Variants in PACS2 observed in about 807,000 individuals in gnomAD.
PACS2 encodes PACS1-like protein.
PACS2 carries 36 observed loss-of-function variants against 113.0 expected under a neutral mutation model. The ratio of observed to expected loss-of-function variants is 0.32; its 90% CI spans 0.24 to 0.42. The LOEUF is 0.42. PACS2 is among the 10% of genes least tolerant of loss of function. The pLI, the probability that PACS2 is intolerant of heterozygous loss-of-function variation, is 1.00. For missense variants in PACS2, 1,015 were observed against 1,239.5 expected (o/e 0.82, Z 2.72); for synonymous variants, 589 against 536.1 (o/e 1.10, Z -1.36).
intron 23 of PACS2, 41 bp downstream of exon 23, chr14:105,392,886 G>A (rs1216246542): frequency 6.7e-7 from 1 of 1,486,402 alleles, no homozygotes; most frequent in Non-Finnish European, 9.3e-7. Context: ...GCGCAGAAGG[G>A]CGGCTCTGTG....
At chr14:105,362,571 C>T (rs1265847685) in intron 4 of PACS2, among the ~76,000 whole-genome samples, 3 of 152,036 alleles carry the variant, frequency 2.0e-5, no homozygotes, top group Non-Finnish European at 4.4e-5. Flanking sequence ...AGACTTGAGG[C>T]CAGGCGCAGT....
intron 4 of PACS2, among the ~76,000 whole-genome samples, chr14:105,362,135 T>C (rs2060711690): frequency 6.9e-6 from 1 of 145,326 alleles, no homozygotes; most frequent in Non-Finnish European, 1.5e-5. Flanking sequence ...AAAAAAAGAA[T>C]GGGCCAGGTG....
At chr14:105,308,526 G>A (rs191039442) in intron 1 of PACS2, among the ~76,000 whole-genome samples, 1,955 of 143,310 alleles carry the variant, frequency 0.014, 51 homozygotes, top group African/African-American at 0.05. Flanking sequence ...TCTGTCGTCC[G>A]GGCTGGAGTG....
At chr14:105,318,853 G>A (rs186261674) in intron 1 of PACS2, among the ~76,000 whole-genome samples, 1 of 151,222 alleles carries the variant, frequency 6.6e-6, no homozygotes, top group South Asian at 2.1e-4. Context: ...GTAGAGATGG[G>A]GTTTCACCGT....
At chr14:105,303,839 A>G (rs1480169781) in intron 1 of PACS2, among the ~76,000 whole-genome samples, 1 of 152,236 alleles carries the variant, frequency 6.6e-6, no homozygotes, top group Non-Finnish European at 1.5e-5. Flanking sequence ...ATGACATTTC[A>G]TCCTTATGGC....
At chr14:105,374,023 C>T (rs910166795) in intron 8 of PACS2, among the ~76,000 whole-genome samples, 7 of 151,916 alleles carry the variant, frequency 4.6e-5, no homozygotes, top group Middle Eastern at 3.4e-3. Context: ...GGCATCGTGG[C>T]GGGTGCCTGT....
rs1008013722 is a variant in PACS2 at position 105,317,044 on chromosome 14, G to A, written c.119+2007G>A. On this transcript the variant is annotated intron_variant, in intron 1 of 24. Transcript: ENST00000447393. This position sits in a 1 kb window ranked among gnomAD's most constrained non-coding sequence, Gnocchi z 4.2. ...CCTAGCTTTGCTTTGTGCTTGTGCC[G>A]CCTGTCCGTGCATCCTCGGACAGTC... 3.3e-5 allele frequency among the ~76,000 whole-genome samples: 5 copies of A among 152,126 alleles called. No individual in the cohort carries two copies. Among genetic ancestry groups the A allele is most frequent in the Non-Finnish European group, 5.9e-5 (4 of 68,018 alleles).
intron 2 of PACS2, among the ~76,000 whole-genome samples, chr14:105,350,226 G>GGCA (rs141920534): frequency 1.4e-4 from 22 of 152,262 alleles, no homozygotes; most frequent in East Asian, 5.8e-4. Context: ...GGCTGTGTCT[G>GGCA]GACCTCTTGG....
At position 105,379,915 on chromosome 14, in the gene PACS2, C is replaced by T. The variant is rs1393445848; in HGVS notation, c.1050+86C>T. ...CCCAAATCTCCCAGCATGTCCTGGG[C>T]CCAGGGCCCTGTCCAGCTGTCCTGG... On this transcript the variant is annotated intron_variant, in intron 10 of 24. Transcript: ENST00000447393. 7.0e-6 allele frequency: 10 copies of T among 1,421,628 alleles called. No homozygotes were observed. The Admixed American group carries it at 1.7e-4, about 25-fold the overall frequency. 88.1% of individuals were successfully genotyped at this position (1,421,628 alleles called of 1,614,324 possible).
At chr14:105,342,374 C>A (rs1268718087) in intron 1 of PACS2, among the ~76,000 whole-genome samples, 1 of 151,894 alleles carries the variant, frequency 6.6e-6, no homozygotes, top group African/African-American at 2.4e-5. Context: ...CTCAGGTGAT[C>A]CTCCCACCTC....
intron 15 of PACS2, chr14:105,383,154 C>T: frequency 1.5e-6 from 1 of 657,736 alleles, no homozygotes; most frequent in Non-Finnish European, 2.7e-6. Context: ...CCTTGGAAGC[C>T]TGGGCTGAGG....
chr14:105,392,594 G>T, intron 22 of PACS2, 25 bp from the exon 23 acceptor site: 1 of 1,567,938 alleles, frequency 6.4e-7, no homozygotes, highest in African/African-American at 1.4e-5. Flanking sequence ...ATGCAGGTGT[G>T]AATGCCTCCC....
chr14:105,338,424 CA>C (rs1448147027), intron 1 of PACS2, among the ~76,000 whole-genome samples: 3 of 152,142 alleles, frequency 2.0e-5, no homozygotes, highest in Non-Finnish European at 4.4e-5. Flanking sequence ...GGGGCATTCC[CA>C]GGGGGTGTTT....
At chr14:105,328,673 C>T (rs1300310442) in intron 1 of PACS2, among the ~76,000 whole-genome samples, 1 of 152,222 alleles carries the variant, frequency 6.6e-6, no homozygotes, top group Non-Finnish European at 1.5e-5. Flanking sequence ...TGGACTCCCA[C>T]ACTCAGCACC....
chr14:105,377,002 C>G (rs1049539821), intron 9 of PACS2, 77 bp downstream of exon 9: 2 of 1,435,544 alleles, frequency 1.4e-6, no homozygotes, highest in Non-Finnish European at 1.9e-6. Flanking sequence ...TCTGGCAGAC[C>G]CATGTCCAGC....
intron 16 of PACS2, 47 bp from the exon 17 acceptor site, chr14:105,384,306 A>G (rs1555412940): frequency 2.6e-6 from 3 of 1,145,136 alleles, no homozygotes; most frequent in African/African-American, 1.5e-5. Flanking sequence ...GGAGCCTTGC[A>G]GCTCCGAGTC....
At chr14:105,305,324 C>T (rs1011128611) in intron 1 of PACS2, among the ~76,000 whole-genome samples, 1 of 152,136 alleles carries the variant, frequency 6.6e-6, no homozygotes, top group African/African-American at 2.4e-5. Context: ...ATTGCTTGAG[C>T]CCAGAAAGTT....
intron 1 of PACS2, among the ~76,000 whole-genome samples, chr14:105,343,394 T>C (rs999471247): frequency 6.6e-6 from 1 of 152,212 alleles, no homozygotes; most frequent in African/African-American, 2.4e-5. Flanking sequence ...GGGGTAGGAT[T>C]GCTGGGTCCT....
At chr14:105,328,043 C>A (rs1053910433) in intron 1 of PACS2, among the ~76,000 whole-genome samples, 3 of 152,276 alleles carry the variant, frequency 2.0e-5, no homozygotes, top group South Asian at 2.1e-4. Context: ...GTGCCTCCCC[C>A]CAGGATTCGT....
Sources: allele counts gnomAD v4.1 joint callset (sites outside exome capture counted in the v4.1 genomes callset), GRCh38; gene constraint gnomAD v4.1.1; non-coding constraint Gnocchi (gnomAD v3.1); transcripts MANE v1.5; gene names NCBI Gene and HGNC (gene_info 2026-07-23, HGNC 2026-07-21).